ROBO2: variants seen among roughly 807,000 people sequenced by gnomAD.
ROBO2 encodes the protein roundabout homolog 2.
ROBO2 carries 53 observed loss-of-function variants against 160.8 expected under a neutral mutation model. The observed-to-expected ratio is 0.33, with a 90% CI of 0.26 to 0.41. The LOEUF (loss-of-function observed/expected upper bound fraction) is 0.41. Among genes scored for constraint, ROBO2 ranks in the 10% least tolerant of loss-of-function variants. ROBO2 has a pLI of 1.00. For missense variants in ROBO2, 1,577 were observed against 1,722.4 expected, an observed-to-expected ratio of 0.92 and a Z score of 1.49; for synonymous variants, 664 against 611.7, an observed-to-expected ratio of 1.09 and a Z score of -1.26.
At chr3:76,840,119 A>C (rs2068078709) in intron 2 of ROBO2, among the ~76,000 whole-genome samples, 1 of 151,562 alleles carries the variant, frequency 6.6e-6, no homozygotes, top group Non-Finnish European at 1.5e-5. Context: ...AATTTTGTTT[A>C]TCTTTTCAAA....
chr3:76,926,481 ATGTAT>A (rs918064915), intron 2 of ROBO2, among the ~76,000 whole-genome samples: 21 of 152,128 alleles, frequency 1.4e-4, no homozygotes, highest in African/African-American at 5.1e-4. Flanking sequence ...AGTTAGGATA[ATGTAT>A]TGGAAGTGTT....
chr3:76,735,870 C>T (rs1315745987), intron 2 of ROBO2, among the ~76,000 whole-genome samples: 3 of 151,614 alleles, frequency 2.0e-5, no homozygotes, highest in Non-Finnish European at 4.4e-5. Context: ...GAGCTGTACC[C>T]CAAACCTCAG....
At chr3:76,661,163 G>C (rs567416522) in intron 2 of ROBO2, among the ~76,000 whole-genome samples, 2 of 152,226 alleles carry the variant, frequency 1.3e-5, no homozygotes, top group East Asian at 3.9e-4. Context: ...TCAGTGTCAA[G>C]TGACTAAGAT....
At chr3:76,263,546 A>G (rs1412390454) in intron 2 of ROBO2, among the ~76,000 whole-genome samples, 1 of 152,130 alleles carries the variant, frequency 6.6e-6, no homozygotes, top group Non-Finnish European at 1.5e-5. Context: ...CTTAGCCTAC[A>G]GTGATAACCA....
chr3:76,039,431 T>G (rs2067214115), intron 2 of ROBO2, among the ~76,000 whole-genome samples: 1 of 152,070 alleles, frequency 6.6e-6, no homozygotes, highest in South Asian at 2.1e-4. Context: ...TTTTCTTGTT[T>G]AATATAAATG....
intron 1 of ROBO2, among the ~76,000 whole-genome samples, chr3:75,920,271 T>C (rs548372023): frequency 7.6e-4 from 115 of 152,218 alleles, no homozygotes; most frequent in Non-Finnish European, 1.5e-3. Flanking sequence ...TATTTCTGCC[T>C]TAATTTTGCT....
chr3:76,182,144 T>G (rs1433739280), intron 2 of ROBO2, among the ~76,000 whole-genome samples: 1 of 152,152 alleles, frequency 6.6e-6, no homozygotes, highest in Non-Finnish European at 1.5e-5. Context: ...TAATATATTT[T>G]CAATGAAAAG....
chr3:77,514,580 T>C (rs1285844549), intron 5 of ROBO2, among the ~76,000 whole-genome samples: 1 of 151,864 alleles, frequency 6.6e-6, no homozygotes, highest in Non-Finnish European at 1.5e-5. Context: ...GCATTTTCTG[T>C]AAAATTGTGT....
intron 2 of ROBO2, among the ~76,000 whole-genome samples, chr3:76,292,135 GCTAT>G (rs1448428207): frequency 2.0e-5 from 3 of 152,040 alleles, no homozygotes; most frequent in Non-Finnish European, 4.4e-5. Flanking sequence ...TGATTGTGTG[GCTAT>G]CTAAGTTTCT....
intron 2 of ROBO2, among the ~76,000 whole-genome samples, chr3:76,458,710 G>C (rs1026432758): frequency 6.6e-6 from 1 of 152,150 alleles, no homozygotes; most frequent in African/African-American, 2.4e-5. Context: ...CCACATGGCT[G>C]GGTGGCCTCA....
intron 2 of ROBO2, among the ~76,000 whole-genome samples, chr3:76,364,069 A>G (rs1334747541): frequency 6.6e-6 from 1 of 152,116 alleles, no homozygotes; most frequent in Non-Finnish European, 1.5e-5. Context: ...TACTGAGTCA[A>G]TTCTTACCAC....
chr3:76,049,519 C>T (rs2067583659), intron 2 of ROBO2, among the ~76,000 whole-genome samples: 1 of 148,602 alleles, frequency 6.7e-6, no homozygotes, highest in African/African-American at 2.5e-5. Flanking sequence ...GCTGGGATTA[C>T]AGGCGAGAGC....
chr3:77,409,900 G>C (rs1476960564), intron 2 of ROBO2, among the ~76,000 whole-genome samples: 1 of 152,094 alleles, frequency 6.6e-6, no homozygotes, highest in Non-Finnish European at 1.5e-5. Context: ...AGCTTTTCCT[G>C]TATAGAGATT....
Position 77,032,334 on chromosome 3 carries a change from A to G in ROBO2, c.110-65680A>G, listed in dbSNP as rs188086089. The stretch of plus-strand genomic sequence containing the variant: ...TGACACTTTCAAAGTTACATCATCA[A>G]TTTGAGCTTTCATTAACTACTGTGA... On this transcript the variant is annotated intron_variant, in intron 2 of 26. Transcript: ENST00000487694. 2.9e-3 allele frequency among the ~76,000 whole-genome samples: 447 copies of G among 152,314 alleles called. 2 individuals carry two copies. The highest frequency in any genetic ancestry group is 0.021 in the South Asian group (102 of 4,832).
intron 2 of ROBO2, among the ~76,000 whole-genome samples, chr3:76,442,077 T>A (rs2109128874): frequency 6.6e-6 from 1 of 152,296 alleles, no homozygotes; most frequent in South Asian, 2.1e-4. Flanking sequence ...CAAAGACCAT[T>A]TTCTCACAGG....
intron 2 of ROBO2, among the ~76,000 whole-genome samples, chr3:76,393,594 C>T (rs992898822): frequency 6.6e-6 from 1 of 152,066 alleles, no homozygotes; most frequent in Admixed American, 6.6e-5. Context: ...AGATGTTTGT[C>T]CCTGTTTTGA....
chr3:76,937,716 A>G (rs966735593), intron 2 of ROBO2, among the ~76,000 whole-genome samples: 1 of 152,118 alleles, frequency 6.6e-6, no homozygotes, highest in Non-Finnish European at 1.5e-5. Context: ...TAACCTAAGC[A>G]TTTTTAGACA....
intron 2 of ROBO2, among the ~76,000 whole-genome samples, chr3:76,027,721 G>C (rs1424329555): frequency 6.6e-6 from 1 of 151,942 alleles, no homozygotes; most frequent in Non-Finnish European, 1.5e-5. Flanking sequence ...CATTAGGACA[G>C]GATTGCCTGG....
chr3:76,390,026 A>G (rs539059251), intron 2 of ROBO2, among the ~76,000 whole-genome samples: 138 of 152,302 alleles, frequency 9.1e-4, no homozygotes, highest in Non-Finnish European at 1.5e-3. Flanking sequence ...ATTTCTGCCA[A>G]TTGCCATTGG....
Sources: gnomAD v4.1 joint callset for allele counts (sites outside exome capture counted in the v4.1 genomes callset) on GRCh38, gnomAD v4.1.1 for gene constraint, MANE v1.5 for transcripts, NCBI Gene and HGNC (gene_info 2026-07-23, HGNC 2026-07-21) for gene names.